PLXDC2: variants seen among roughly 807,000 people sequenced by gnomAD.
The protein encoded by PLXDC2 is plexin domain containing 2.
PLXDC2 carries 40 observed loss-of-function variants against 68.9 expected under a neutral mutation model. That is an observed-to-expected ratio of 0.58 (90% CI 0.45 to 0.76). The LOEUF (loss-of-function observed/expected upper bound fraction) is 0.76, where lower values mean the gene tolerates loss of function less well. Among genes scored for constraint, PLXDC2 ranks in the 30% least tolerant of loss-of-function variants. PLXDC2 has a pLI of 0.00. For missense variants in PLXDC2, 644 were observed against 661.9 expected, an observed-to-expected ratio of 0.97 and a Z score of 0.30; for synonymous variants, 243 against 234.2, an observed-to-expected ratio of 1.04 and a Z score of -0.34.
intron 2 of PLXDC2, among the ~76,000 whole-genome samples, chr10:20,020,178 ATTTTTTTTT>A (rs71388889): frequency 9.3e-6 from 1 of 107,354 alleles, no homozygotes; most frequent in African/African-American, 4.1e-5. Flanking sequence ...CACCCAGCAA[ATTTTTTTTT>A]TTTTTTTTTT....
intron 3 of PLXDC2, among the ~76,000 whole-genome samples, chr10:20,063,065 G>C (rs1055765715): frequency 1.3e-5 from 2 of 151,968 alleles, no homozygotes; most frequent in African/African-American, 4.8e-5. Flanking sequence ...CTATTTGAGA[G>C]TTTCAGGAGA....
At chr10:20,274,380 G>C (rs1484836186) in intron 13 of PLXDC2, among the ~76,000 whole-genome samples, 1 of 152,148 alleles carries the variant, frequency 6.6e-6, no homozygotes, top group Non-Finnish European at 1.5e-5. Context: ...CCCTAGAAGA[G>C]AGCTGATCTG....
At chr10:20,054,520 T>G (rs1376676835) in intron 3 of PLXDC2, among the ~76,000 whole-genome samples, 1 of 151,864 alleles carries the variant, frequency 6.6e-6, no homozygotes, top group Admixed American at 6.6e-5. Flanking sequence ...GACAGATATA[T>G]TAATAGATGG....
chr10:20,112,688 G>A (rs1018516747), intron 4 of PLXDC2, among the ~76,000 whole-genome samples: 1 of 152,096 alleles, frequency 6.6e-6, no homozygotes, highest in African/African-American at 2.4e-5. Flanking sequence ...TTCTCACTTT[G>A]CCTTAATTTA....
chr10:19,973,900 A>G (rs751441592), intron 1 of PLXDC2, among the ~76,000 whole-genome samples: 3 of 152,262 alleles, frequency 2.0e-5, no homozygotes, highest in South Asian at 2.1e-4. Flanking sequence ...AAACAGACTG[A>G]AAAAGTCTTC....
intron 4 of PLXDC2, among the ~76,000 whole-genome samples, chr10:20,117,295 A>G (rs1833635288): frequency 6.6e-6 from 1 of 152,232 alleles, no homozygotes; most frequent in Non-Finnish European, 1.5e-5. Flanking sequence ...GACAAATACC[A>G]TGTTCATGGA....
chr10:20,021,286 T>G (rs1835304097), intron 2 of PLXDC2, among the ~76,000 whole-genome samples: 1 of 152,122 alleles, frequency 6.6e-6, no homozygotes, highest in African/African-American at 2.4e-5. Context: ...TTTTAAGTTA[T>G]GGGATACATG....
chr10:19,837,432 GTGTGTGTGTGTGTA>G (rs1431530609), intron 1 of PLXDC2, among the ~76,000 whole-genome samples: 3 of 151,346 alleles, frequency 2.0e-5, no homozygotes, highest in African/African-American at 7.3e-5. Flanking sequence ...GTGTGTGTGT[GTGTGTGTGTGTGTA>G]TGTGTGTGTT....
At chr10:19,833,306 C>G (rs1050324088) in intron 1 of PLXDC2, among the ~76,000 whole-genome samples, 2 of 152,116 alleles carry the variant, frequency 1.3e-5, no homozygotes, top group Non-Finnish European at 2.9e-5. Flanking sequence ...CTTTGATGGC[C>G]GTGGGAACAG....
At chr10:20,128,273 G>A (rs558844604) in intron 4 of PLXDC2, among the ~76,000 whole-genome samples, 3 of 152,282 alleles carry the variant, frequency 2.0e-5, no homozygotes, top group African/African-American at 7.2e-5. Flanking sequence ...CTTTAGTCTA[G>A]GAGTGTAAAT....
chr10:20,015,142 C>A (rs1193788821), intron 2 of PLXDC2, among the ~76,000 whole-genome samples: 2 of 152,186 alleles, frequency 1.3e-5, no homozygotes, highest in African/African-American at 2.4e-5. Context: ...ACAGAGCTTT[C>A]CCCCAGTCAT....
intron 4 of PLXDC2, among the ~76,000 whole-genome samples, chr10:20,122,919 C>T (rs971886493): frequency 6.6e-6 from 1 of 152,106 alleles, no homozygotes; most frequent in Non-Finnish European, 1.5e-5. Flanking sequence ...GGCTGTAAAG[C>T]ATCTCAGGGT....
chr10:19,974,233 G>A (rs1834410935), intron 1 of PLXDC2, among the ~76,000 whole-genome samples: 2 of 152,180 alleles, frequency 1.3e-5, no homozygotes, highest in African/African-American at 4.8e-5. Flanking sequence ...TTTGCATCAG[G>A]AAGTAGGTAA....
chr10:19,920,468 T>C (rs1454357542), intron 1 of PLXDC2, among the ~76,000 whole-genome samples: 1 of 152,200 alleles, frequency 6.6e-6, no homozygotes, highest in Non-Finnish European at 1.5e-5. Flanking sequence ...GGATGGTGGC[T>C]GGATGTCAAG....
intron 4 of PLXDC2, among the ~76,000 whole-genome samples, chr10:20,128,057 A>T (rs948162592): frequency 3.3e-5 from 5 of 152,144 alleles, no homozygotes; most frequent in Admixed American, 3.3e-4. Context: ...AACACTCACA[A>T]ACATGGAAGT....
chr10:20,036,273 A>G (rs1835575314), intron 2 of PLXDC2, among the ~76,000 whole-genome samples: 1 of 152,112 alleles, frequency 6.6e-6, no homozygotes. Flanking sequence ...CCCTAATCCC[A>G]TTAGATTTGT....
intron 1 of PLXDC2, among the ~76,000 whole-genome samples, chr10:19,998,973 T>C (rs868631250): frequency 9.2e-5 from 14 of 152,330 alleles, no homozygotes; most frequent in Middle Eastern, 3.4e-3. Flanking sequence ...GTTTGACACA[T>C]TCATCAGACT....
chr10:19,969,484 G>T (rs142481632), intron 1 of PLXDC2, among the ~76,000 whole-genome samples: 13 of 152,320 alleles, frequency 8.5e-5, no homozygotes, highest in African/African-American at 3.1e-4. Context: ...AATGGATAAA[G>T]ACATAAATTG....
intron 12 of PLXDC2, among the ~76,000 whole-genome samples, chr10:20,219,517 G>C (rs1304451116): frequency 6.6e-6 from 1 of 152,034 alleles, no homozygotes; most frequent in Non-Finnish European, 1.5e-5. Context: ...TATTGTCCTA[G>C]GTCTTTTTAT....
Sources: gnomAD v4.1 joint callset for allele counts (sites outside exome capture counted in the v4.1 genomes callset) on GRCh38, gnomAD v4.1.1 for gene constraint, MANE v1.5 for transcripts, NCBI Gene and HGNC (gene_info 2026-07-23, HGNC 2026-07-21) for gene names.